Variants in SPRED2 observed in about 807,000 individuals in gnomAD.
SPRED2 encodes the protein sprouty related EVH1 domain containing 2, also known as sprouty-related, EVH1 domain-containing protein 2.
SPRED2 carries 47 observed loss-of-function variants against 43.0 expected under a neutral mutation model. That is an observed-to-expected ratio of 1.09 (90% CI 0.87 to 1.40). SPRED2 has a LOEUF of 1.40. Ranked by LOEUF, SPRED2 falls within the 40% of genes most tolerant of loss-of-function variation. SPRED2 has a pLI of 0.00. For missense variants in SPRED2, 561 were observed against 586.4 expected, an observed-to-expected ratio of 0.96 and a Z score of 0.45; for synonymous variants, 225 against 225.7, an observed-to-expected ratio of 1.00 and a Z score of 0.03.
At chr2:65,382,193 T>C (rs1468064463) in intron 1 of SPRED2, among the ~76,000 whole-genome samples, 2 of 151,936 alleles carry the variant, frequency 1.3e-5, no homozygotes, top group South Asian at 2.1e-4. Flanking sequence ...AATAAAACAA[T>C]AGCCCCTCTG....
At chr2:65,330,628 A>G (rs1473025710) in intron 4 of SPRED2, among the ~76,000 whole-genome samples, 1 of 152,188 alleles carries the variant, frequency 6.6e-6, no homozygotes, top group Admixed American at 6.5e-5. Flanking sequence ...ACACATCACT[A>G]TCACCCAAAG....
At chr2:65,355,221 T>A (rs1377998658) in intron 1 of SPRED2, among the ~76,000 whole-genome samples, 2 of 152,124 alleles carry the variant, frequency 1.3e-5, no homozygotes, top group African/African-American at 2.4e-5. Context: ...AGTCAACCAG[T>A]TAGGGGCCTC....
chr2:65,374,001 G>T (rs1222131559), intron 1 of SPRED2: 1 of 152,316 alleles, frequency 6.6e-6, no homozygotes, highest in African/African-American at 2.4e-5. Flanking sequence ...GCAGACGAAT[G>T]TAAGAGTCTT....
At chr2:65,424,669 G>C (rs1211153943) in intron 1 of SPRED2, among the ~76,000 whole-genome samples, 1 of 152,110 alleles carries the variant, frequency 6.6e-6, no homozygotes, top group East Asian at 1.9e-4. Context: ...CTATTCCCAT[G>C]CCAGGTGCAG....
chr2:65,348,736 A>G (rs1345164951), intron 1 of SPRED2, among the ~76,000 whole-genome samples: 1 of 151,442 alleles, frequency 6.6e-6, no homozygotes, highest in Non-Finnish European at 1.5e-5. Context: ...CCCCAGAGGC[A>G]GAGCTGAGAT....
At chr2:65,411,552 A>G (rs1192823069) in intron 1 of SPRED2, among the ~76,000 whole-genome samples, 1 of 152,230 alleles carries the variant, frequency 6.6e-6, no homozygotes, top group Non-Finnish European at 1.5e-5. Flanking sequence ...AACAGGGGAC[A>G]AAAGTGAGGG....
At chr2:65,325,966 G>C (rs1206404611) in intron 4 of SPRED2, among the ~76,000 whole-genome samples, 4 of 150,378 alleles carry the variant, frequency 2.7e-5, no homozygotes, top group African/African-American at 9.9e-5. Flanking sequence ...CTAGGTGACA[G>C]AGCAAGACTG....
At chr2:65,377,761 A>G in intron 1 of SPRED2, 1 of 467,902 alleles carries the variant, frequency 2.1e-6, no homozygotes. Context: ...GCAACTCCCT[A>G]GGTAACTGTC....
intron 1 of SPRED2, among the ~76,000 whole-genome samples, chr2:65,426,885 G>A (rs1205743695): frequency 6.6e-6 from 1 of 152,200 alleles, no homozygotes; most frequent in Non-Finnish European, 1.5e-5. Context: ...AAAGGAGGTT[G>A]CATTTGCTAA....
At chr2:65,356,555 TTTTGTG>T (rs1674656843) in intron 1 of SPRED2, among the ~76,000 whole-genome samples, 1 of 140,420 alleles carries the variant, frequency 7.1e-6, no homozygotes, top group Non-Finnish European at 1.5e-5. Flanking sequence ...TTTTTTTTTT[TTTTGTG>T]TGTGTGTACC....
downstream of SPRED2, among the ~76,000 whole-genome samples, chr2:65,308,801 C>T (rs1176808986): frequency 3.3e-5 from 5 of 152,292 alleles, no homozygotes; most frequent in East Asian, 1.9e-4. Context: ...TAGGTGTAGT[C>T]GGTCCTCTGT....
At chr2:65,328,009 G>T (rs764807631) in intron 4 of SPRED2, among the ~76,000 whole-genome samples, 1 of 152,004 alleles carries the variant, frequency 6.6e-6, no homozygotes, top group Non-Finnish European at 1.5e-5. Context: ...GGCATGAACC[G>T]CTGTGCCCGG....
chr2:65,359,377 T>G (rs1674742471), intron 1 of SPRED2, among the ~76,000 whole-genome samples: 1 of 152,152 alleles, frequency 6.6e-6, no homozygotes, highest in Non-Finnish European at 1.5e-5. Context: ...AAAATATTTT[T>G]TCATTTATAA....
intron 1 of SPRED2, among the ~76,000 whole-genome samples, chr2:65,429,694 G>A (rs1358349184): frequency 6.6e-6 from 1 of 152,186 alleles, no homozygotes; most frequent in Admixed American, 6.5e-5. Context: ...TTTCTTCTCA[G>A]GCATTTTAAG....
At chr2:65,331,938 C>A in intron 4 of SPRED2, 49 bp downstream of exon 4, 1 of 1,450,730 alleles carries the variant, frequency 6.9e-7, no homozygotes, top group South Asian at 1.2e-5. Context: ...AAACCTTTCT[C>A]TGATTATTCA....
At chr2:65,374,241 C>T (rs925833139) in intron 1 of SPRED2, 6 of 152,166 alleles carry the variant, frequency 3.9e-5, no homozygotes, top group African/African-American at 9.7e-5. Flanking sequence ...ACCTTATGAA[C>T]CTTAGACATT....
chr2:65,350,849 C>T (rs1220946778), intron 1 of SPRED2, among the ~76,000 whole-genome samples: 1 of 152,226 alleles, frequency 6.6e-6, no homozygotes, highest in Non-Finnish European at 1.5e-5. Flanking sequence ...GGCGAGGCAG[C>T]ACTGGGTCTC....
At chr2:65,343,621 T>C (rs892205818) in intron 2 of SPRED2, among the ~76,000 whole-genome samples, 2 of 152,222 alleles carry the variant, frequency 1.3e-5, no homozygotes, top group African/African-American at 4.8e-5. Context: ...CTTCTGAGTA[T>C]ACACTCCATG....
chr2:65,309,505 C>CAAA (rs35507211), downstream of SPRED2, among the ~76,000 whole-genome samples: 260 of 59,572 alleles, frequency 4.4e-3, 8 homozygotes, highest in Non-Finnish European at 6.2e-3. Context: ...GACCCTGTCT[C>CAAA]AAAAAAAAAA....
Sources: gnomAD v4.1 joint callset for allele counts (sites outside exome capture counted in the v4.1 genomes callset) on GRCh38, gnomAD v4.1.1 for gene constraint, MANE v1.5 for transcripts, NCBI Gene and HGNC (gene_info 2026-07-23, HGNC 2026-07-21) for gene names.